TRHDE: variants seen among roughly 807,000 people sequenced by gnomAD.
TRHDE encodes thyrotropin releasing hormone degrading enzyme.
A neutral mutation model predicts 125.7 loss-of-function variants in TRHDE; 72 were observed. The observed-to-expected ratio is 0.57, with a 90% CI of 0.47 to 0.70. The LOEUF is 0.70. Among genes scored for constraint, TRHDE ranks in the 30% least tolerant of loss-of-function variants. The pLI, the probability that TRHDE is intolerant of heterozygous loss-of-function variation, is 0.00. For synonymous variants in TRHDE, 509 were observed against 509.1 expected (o/e 1.00, Z 0.00); for missense variants, 1,110 against 1,327.1 (o/e 0.84, Z 2.54).
At chr12:72,304,410 A>G (rs941204164) in intron 2 of TRHDE, among the ~76,000 whole-genome samples, 2 of 152,184 alleles carry the variant, frequency 1.3e-5, no homozygotes, top group Non-Finnish European at 2.9e-5. Context: ...TTTTGAGCTT[A>G]TAGTTCCCAA....
chr12:72,093,348 A>G (rs1789419199), intron 1 of TRHDE, among the ~76,000 whole-genome samples: 1 of 152,174 alleles, frequency 6.6e-6, no homozygotes, highest in South Asian at 2.1e-4. Context: ...GTGTCACAAA[A>G]TCTGGATGTT....
chr12:72,334,946 T>A (rs774827553), intron 2 of TRHDE, among the ~76,000 whole-genome samples: 4 of 152,134 alleles, frequency 2.6e-5, no homozygotes, highest in Non-Finnish European at 4.4e-5. Context: ...AGGAATAGGA[T>A]CTTCGTCACT....
chr12:72,557,773 CATT>C (rs1181179466), intron 7 of TRHDE, among the ~76,000 whole-genome samples: 1 of 152,096 alleles, frequency 6.6e-6, no homozygotes, highest in Non-Finnish European at 1.5e-5. Context: ...TTTTTGGTGA[CATT>C]ATATGCAATC....
At chr12:72,645,374 G>A (rs1479247660) in intron 15 of TRHDE, among the ~76,000 whole-genome samples, 1 of 152,026 alleles carries the variant, frequency 6.6e-6, no homozygotes, top group Admixed American at 6.6e-5. Flanking sequence ...TCGTGAAGAT[G>A]GATTGATCAG....
chr12:72,329,062 A>G (rs1266953707), intron 2 of TRHDE, among the ~76,000 whole-genome samples: 3 of 152,212 alleles, frequency 2.0e-5, no homozygotes. Context: ...CCATCACAAA[A>G]ATATTTATGA....
chr12:72,224,079 CATCT>C (rs1277537525), intron 2 of TRHDE, among the ~76,000 whole-genome samples: 1 of 64,090 alleles, frequency 1.6e-5, no homozygotes, highest in Non-Finnish European at 3.9e-5. Flanking sequence ...TCTATCTATC[CATCT>C]ATCTATCCAT....
chr12:72,278,464 A>G (rs2139416183), intron 1 of TRHDE, among the ~76,000 whole-genome samples: 1 of 152,236 alleles, frequency 6.6e-6, no homozygotes, highest in South Asian at 2.1e-4. Context: ...CAGTAGTGGG[A>G]TTGCCAGATC....
chr12:72,646,925 A>G (rs1477058347), intron 15 of TRHDE, among the ~76,000 whole-genome samples: 1 of 152,072 alleles, frequency 6.6e-6, no homozygotes, highest in Non-Finnish European at 1.5e-5. Flanking sequence ...ATCCAGACAG[A>G]AGATCAATAA....
intron 2 of TRHDE, among the ~76,000 whole-genome samples, chr12:72,305,647 G>T (rs1039579921): frequency 6.6e-6 from 1 of 152,184 alleles, no homozygotes; most frequent in Non-Finnish European, 1.5e-5. Context: ...GGTTTAATAT[G>T]CAGGAGAAAG....
chr12:72,320,728 T>G (rs1342704501), intron 2 of TRHDE, among the ~76,000 whole-genome samples: 1 of 152,208 alleles, frequency 6.6e-6, no homozygotes, highest in African/African-American at 2.4e-5. Flanking sequence ...GGGTCAGCCG[T>G]TTTGCTTATA....
intron 6 of TRHDE, among the ~76,000 whole-genome samples, chr12:72,529,745 G>A (rs1214906): frequency 0.97 from 147,055 of 152,220 alleles, 71,072 homozygotes; most frequent in East Asian, 1. Context: ...ACATGCATCC[G>A]CATTTCCCAA....
intron 2 of TRHDE, among the ~76,000 whole-genome samples, chr12:72,189,989 G>C (rs986673737): frequency 6.6e-6 from 1 of 152,112 alleles, no homozygotes; most frequent in Non-Finnish European, 1.5e-5. Flanking sequence ...CAAACAAGTA[G>C]TATTCGGAAG....
intron 7 of TRHDE, among the ~76,000 whole-genome samples, chr12:72,544,871 A>G (rs1266562169): frequency 1.3e-5 from 2 of 151,154 alleles, no homozygotes; most frequent in African/African-American, 4.9e-5. Flanking sequence ...TGTAGATTCA[A>G]CTACATTTTC....
intron 2 of TRHDE, among the ~76,000 whole-genome samples, chr12:72,252,455 TTA>T (rs1413665825): frequency 6.6e-6 from 1 of 152,106 alleles, no homozygotes; most frequent in African/African-American, 2.4e-5. Context: ...TTGGAAATGT[TTA>T]TATGGGTCTA....
chr12:72,238,242 G>T (rs1433446025), intron 2 of TRHDE, among the ~76,000 whole-genome samples: 25 of 124,946 alleles, frequency 2.0e-4, no homozygotes, highest in African/African-American at 7.2e-4. Context: ...GTGGATGGTA[G>T]CAGAAGCAGT....
intron 1 of TRHDE, among the ~76,000 whole-genome samples, chr12:72,095,814 G>C (rs1311339563): frequency 6.6e-6 from 1 of 152,066 alleles, no homozygotes; most frequent in African/African-American, 2.4e-5. Flanking sequence ...CGAGATATGT[G>C]GTCAAACATT....
intron 3 of TRHDE, among the ~76,000 whole-genome samples, chr12:72,452,366 T>G (rs1411676196): frequency 6.6e-6 from 1 of 152,264 alleles, no homozygotes; most frequent in African/African-American, 2.4e-5. Context: ...GTTTTCAATA[T>G]GTAAGATTGT....
At chr12:72,537,185 C>T (rs1868906488) in intron 6 of TRHDE, among the ~76,000 whole-genome samples, 3 of 151,972 alleles carry the variant, frequency 2.0e-5, no homozygotes, top group African/African-American at 7.3e-5. Context: ...ATATTATGGC[C>T]TTAGCATGTA....
intron 3 of TRHDE, among the ~76,000 whole-genome samples, chr12:72,384,169 T>A (rs979632957): frequency 6.6e-6 from 1 of 152,206 alleles, no homozygotes; most frequent in African/African-American, 2.4e-5. Flanking sequence ...TATTTAGACT[T>A]CAATTAATGA....
Sources: gnomAD v4.1 joint callset for allele counts (sites outside exome capture counted in the v4.1 genomes callset) on GRCh38, gnomAD v4.1.1 for gene constraint, MANE v1.5 for transcripts, NCBI Gene and HGNC (gene_info 2026-07-23, HGNC 2026-07-21) for gene names.